The following GALNT5 variants were observed in gnomAD, a reference collection of about 807,000 sequenced individuals.
GALNT5 encodes the protein UDP-GalNAc:polypeptide N-acetylgalactosaminyltransferase 5.
In GALNT5, 72 loss-of-function variants were observed where a neutral mutation model predicts 85.4. The observed-to-expected ratio is 0.84, with a 90% CI of 0.70 to 1.03. The LOEUF is 1.03. GALNT5 is among the 50% of genes least tolerant of loss of function. GALNT5 has a pLI of 0.00. For synonymous variants in GALNT5, 404 were observed against 397.0 expected (o/e 1.02, Z -0.21); for missense variants, 1,137 against 1,135.5 (o/e 1.00, Z -0.02).
chr2:157,257,885 A>T lies in GALNT5; in HGVS notation c.-198A>T, dbSNP rs184506981. On this transcript the variant is annotated 5_prime_UTR_variant, in exon 1 of 10. Coordinates refer to ENST00000259056, the MANE Select transcript of GALNT5 (RefSeq NM_014568.3). ...AGCAGGCACAGATGCTCTGCTATGA[A>T]ATGCCACGCAGGCAGAGACTGACAA... is the stretch of plus-strand genomic sequence containing the variant. 8.2e-6 allele frequency: 5 copies of T among 612,920 alleles called. No homozygotes were observed. Among genetic ancestry groups the T allele is most frequent in the Non-Finnish European group, 1.4e-5 (5 of 347,766 alleles). The allele number at this position is 612,920 out of a possible 1,614,324, so 38.0% of individuals were successfully genotyped here.
chr2:157,296,103 A>G (rs1683208742), intron 4 of GALNT5, among the ~76,000 whole-genome samples: 1 of 151,844 alleles, frequency 6.6e-6, no homozygotes, highest in East Asian at 1.9e-4. Context: ...TTTAGTTCTT[A>G]TTTCTGTGGG....
intron 3 of GALNT5, among the ~76,000 whole-genome samples, chr2:157,286,766 T>C (rs939945723): frequency 6.6e-6 from 1 of 152,146 alleles, no homozygotes; most frequent in Non-Finnish European, 1.5e-5. Context: ...CCTCCCAAAG[T>C]GCTGGGATTA....
chr2:157,304,823 A>G (rs1337555688), intron 7 of GALNT5, among the ~76,000 whole-genome samples: 1 of 152,124 alleles, frequency 6.6e-6, no homozygotes, highest in East Asian at 1.9e-4. Context: ...GCCCCCTTTT[A>G]TGAAGTCTGG....
chr2:157,306,855 T>G (rs575170390), intron 8 of GALNT5, among the ~76,000 whole-genome samples: 5 of 152,218 alleles, frequency 3.3e-5, no homozygotes, highest in African/African-American at 9.6e-5. Flanking sequence ...CTTTTTTAAT[T>G]AGGAAAGAAA....
rs1029858352 is a variant in GALNT5 at position 157,312,429 on chromosome 2, C to T, written c.*1081C>T. On this transcript the variant is annotated 3_prime_UTR_variant, in exon 10 of 10. Transcript: ENST00000259056. The stretch of plus-strand genomic sequence containing the variant: ...TAGGAAGAGAGTTAAGAAAAAATTC[C>T]GCTGGACTTGGCCAAAGAAAGAAGG... 10 of 149,954 alleles carry T rather than the reference C, an allele frequency of 6.7e-5. No individual in the cohort carries two copies. Among genetic ancestry groups the T allele is most frequent in the Admixed American group, 4.7e-4 (7 of 14,824 alleles). 9.3% of individuals were successfully genotyped at this position (149,954 alleles called of 1,614,324 possible).
chr2:157,308,817 C>A, intron 9 of GALNT5, 89 bp downstream of exon 9: 1 of 1,035,786 alleles, frequency 9.7e-7, no homozygotes, highest in South Asian at 1.6e-5. Flanking sequence ...CTTCCTCAGT[C>A]AGAAGTTTTG....
chr2:157,278,442 A>G (rs1433691219), intron 1 of GALNT5, among the ~76,000 whole-genome samples: 1 of 152,184 alleles, frequency 6.6e-6, no homozygotes, highest in Non-Finnish European at 1.5e-5. Context: ...CATCACTTTC[A>G]GGTACACTAA....
At chr2:157,261,883 G>C (rs138522922) in intron 1 of GALNT5, among the ~76,000 whole-genome samples, 41 of 152,184 alleles carry the variant, frequency 2.7e-4, no homozygotes, top group African/African-American at 9.6e-4. Flanking sequence ...GTTTGAGGTA[G>C]CTGCTTACAG....
rs183831329 is a variant in GALNT5 at position 157,300,855 on chromosome 2, C to A, written c.2295C>A (p.Asp765Glu). Residue 765 changes from aspartate (D) to glutamate (E), a missense_variant, in exon 7 of 10, where the codon GAC becomes GAA. Asp to Glu is a conservative substitution (Grantham distance 45). Coordinates refer to ENST00000259056, the MANE Select transcript of GALNT5 (RefSeq NM_014568.3). ...EYKELFYGHGDHLIDQGLDVG... is the reference protein window; with the variant it reads ...EYKELFYGHGEHLIDQGLDVG... ...AGGAGCTGTTCTATGGCCACGGAGA[C>A]CACCTCATCGACCAAGGGCTAGATG... The A allele has an allele frequency of 1.2e-6, 2 of 1,614,014 alleles. No individual in the cohort carries two copies. Among genetic ancestry groups the A allele is most frequent in the East Asian group, 4.5e-5 (2 of 44,852 alleles).
intron 3 of GALNT5, among the ~76,000 whole-genome samples, chr2:157,290,993 G>A (rs1388033180): frequency 6.6e-6 from 1 of 152,170 alleles, no homozygotes; most frequent in East Asian, 1.9e-4. Context: ...TGCTTGCTGT[G>A]AATGAGGAGG....
chr2:157,308,048 G>A (rs1010587819), intron 8 of GALNT5, among the ~76,000 whole-genome samples: 13 of 152,016 alleles, frequency 8.6e-5, no homozygotes, highest in African/African-American at 1.9e-4. Flanking sequence ...TCCTACAATC[G>A]GACAAAGCCT....
intron 7 of GALNT5, 34 bp downstream of exon 7, chr2:157,301,033 A>C: frequency 6.8e-7 from 1 of 1,461,536 alleles, no homozygotes; most frequent in South Asian, 1.2e-5. Flanking sequence ...ATCTTACTCC[A>C]TAAAAACAAA....
chr2:157,259,415 G>A lies in GALNT5; in HGVS notation c.1333G>A (p.Val445Ile), dbSNP rs1038669370. The change falls in exon 1 of 10, where the codon GTA becomes ATA. Residue 445 changes from valine (V) to isoleucine (I), a missense_variant. Val to Ile is a conservative substitution (Grantham distance 29). Transcript: ENST00000259056. ...PKAPGQFGRPVVVPHGKEKEA... is the reference protein window; with the variant it reads ...PKAPGQFGRPIVVPHGKEKEA... The stretch of plus-strand genomic sequence containing the variant: ...AGCTCCAGGGCAGTTTGGGCGTCCT[G>A]TAGTTGTCCCCCATGGAAAGGAGAA... 2.7e-6 allele frequency: 4 copies of A among 1,487,776 alleles called. No individual in the cohort carries two copies. The highest frequency in any genetic ancestry group is 4.5e-5 in the Admixed American group (2 of 44,724). 92.2% of individuals were successfully genotyped at this position (1,487,776 alleles called of 1,614,324 possible). A position where few individuals can be genotyped will look rare whatever the true frequency, so the allele number is the denominator to read the frequency against.
intron 7 of GALNT5, among the ~76,000 whole-genome samples, chr2:157,305,011 G>A (rs1040125): frequency 6.6e-6 from 1 of 152,072 alleles, no homozygotes; most frequent in African/African-American, 2.4e-5. Context: ...ACAGCTGTTC[G>A]AGAAATCTGA....
At chr2:157,281,907 C>A (rs1682862732) in intron 1 of GALNT5, among the ~76,000 whole-genome samples, 1 of 152,134 alleles carries the variant, frequency 6.6e-6, no homozygotes, top group Admixed American at 6.5e-5. Flanking sequence ...ATACTGATAT[C>A]TTCTTTCTGT....
chr2:157,300,958 T>C lies in GALNT5; in HGVS notation c.2398T>C (p.Phe800Leu), dbSNP rs1233368588. 2 of 1,614,084 alleles carry C rather than the reference T, an allele frequency of 1.2e-6. No homozygotes were observed. The highest frequency in any genetic ancestry group is 8.5e-7 in the Non-Finnish European group (1 of 1,179,958). ...KSFKWYLENVFPDLRAPIVRA... is the reference protein window; with the variant it reads ...KSFKWYLENVLPDLRAPIVRA... Reference sequence around the variant, plus strand: ...TTTCAAATGGTACTTGGAGAATGTCTTTCCTGACTTAAGGGCTCCCATTGT... The same window carrying C: ...TTTCAAATGGTACTTGGAGAATGTCCTTCCTGACTTAAGGGCTCCCATTGT... Residue 800 changes from phenylalanine (F) to leucine (L), a missense_variant, in exon 7 of 10, where the codon TTT (phenylalanine) becomes CTT (leucine). Coordinates refer to ENST00000259056, the MANE Select transcript of GALNT5 (RefSeq NM_014568.3).
At chr2:157,280,703 A>T (rs1558895167) in intron 1 of GALNT5, among the ~76,000 whole-genome samples, 1 of 152,138 alleles carries the variant, frequency 6.6e-6, no homozygotes, top group Non-Finnish European at 1.5e-5. Flanking sequence ...TTCAAATCTC[A>T]TGTTGAAATG....
intron 1 of GALNT5, among the ~76,000 whole-genome samples, chr2:157,264,537 T>C (rs1175163856): frequency 6.6e-6 from 1 of 152,218 alleles, no homozygotes; most frequent in Non-Finnish European, 1.5e-5. Flanking sequence ...TTTATTCTCT[T>C]AGCCCAGAGC....
In GALNT5 at chr2:157,259,283, C is replaced by T; in HGVS notation, c.1201C>T (p.Pro401Ser). Reference protein sequence around the residue: ...PAKINITAKAPSTEYNQSHIK... With the variant: ...PAKINITAKASSTEYNQSHIK... ...AAAAATCAACATAACTGCCAAAGCC[C>T]CCTCTACAGAATACAACCAGAGTCA... The change falls in exon 1 of 10, where the codon CCC (proline) becomes TCC (serine). Residue 401 changes from proline (P) to serine (S), a missense_variant. Physicochemically the swap from Pro to Ser is moderately conservative, Grantham distance 74. Coordinates refer to ENST00000259056, the MANE Select transcript of GALNT5 (RefSeq NM_014568.3). The T allele has an allele frequency of 6.2e-7, 1 of 1,610,322 alleles. No homozygotes were observed.
Sources: allele counts gnomAD v4.1 joint callset (sites outside exome capture counted in the v4.1 genomes callset), GRCh38; gene constraint gnomAD v4.1.1; transcripts MANE v1.5; gene names NCBI Gene and HGNC (gene_info 2026-07-23, HGNC 2026-07-21).